The following CCSER1 variants were observed in gnomAD, a reference collection of about 807,000 sequenced individuals.
CCSER1 encodes the protein coiled-coil serine rich protein 1.
CCSER1 carries 41 observed loss-of-function variants against 82.0 expected under a neutral mutation model. The observed-to-expected ratio is 0.50, with a 90% CI of 0.39 to 0.65. The LOEUF (loss-of-function observed/expected upper bound fraction) is 0.65, where lower values mean the gene tolerates loss of function less well. Ranked by LOEUF, CCSER1 falls within the 30% of genes least tolerant of loss-of-function variation. The pLI is 0.00. For synonymous variants in CCSER1, 414 were observed against 383.9 expected (o/e 1.08, Z -0.92); for missense variants, 1,119 against 1,064.2 (o/e 1.05, Z -0.72).
intron 10 of CCSER1, among the ~76,000 whole-genome samples, chr4:91,201,391 T>A (rs1735893208): frequency 6.6e-6 from 1 of 152,024 alleles, no homozygotes; most frequent in Non-Finnish European, 1.5e-5. Context: ...AATAAATGAA[T>A]GAAAGATTCA....
intron 10 of CCSER1, among the ~76,000 whole-genome samples, chr4:91,216,448 T>C (rs1219679620): frequency 6.6e-6 from 1 of 152,088 alleles, no homozygotes; most frequent in Non-Finnish European, 1.5e-5. Context: ...GCCTCCCGAA[T>C]AGCTGGGACT....
chr4:90,880,159 T>A (rs1190094375), intron 8 of CCSER1, among the ~76,000 whole-genome samples: 1 of 152,166 alleles, frequency 6.6e-6, no homozygotes, highest in Non-Finnish European at 1.5e-5. Context: ...CCTCTCCCAT[T>A]GAGTGCTGGC....
At chr4:90,354,957 C>G (rs1332129914) in intron 3 of CCSER1, among the ~76,000 whole-genome samples, 1 of 151,992 alleles carries the variant, frequency 6.6e-6, no homozygotes, top group African/African-American at 2.4e-5. Context: ...TAATACAAAG[C>G]TTTCTTTAAT....
intron 10 of CCSER1, among the ~76,000 whole-genome samples, chr4:91,464,896 A>G (rs1485159351): frequency 6.6e-6 from 1 of 152,184 alleles, no homozygotes. Flanking sequence ...ACTCCCACAC[A>G]ACAGTAATGG....
At chr4:90,616,252 A>G (rs927664131) in intron 5 of CCSER1, among the ~76,000 whole-genome samples, 3 of 152,168 alleles carry the variant, frequency 2.0e-5, no homozygotes, top group Non-Finnish European at 2.9e-5. Context: ...CTAACCCATG[A>G]TATCTCTGAG....
chr4:90,410,654 C>T (rs1235267000), intron 4 of CCSER1, among the ~76,000 whole-genome samples: 1 of 152,006 alleles, frequency 6.6e-6, no homozygotes, highest in Non-Finnish European at 1.5e-5. Context: ...ATTTATAGCA[C>T]TAAATGCCCA....
intron 4 of CCSER1, among the ~76,000 whole-genome samples, chr4:90,441,642 C>A (rs1759894324): frequency 6.6e-6 from 1 of 152,162 alleles, no homozygotes; most frequent in African/African-American, 2.4e-5. Flanking sequence ...TAGCAATTAT[C>A]TGTGTTGCTA....
intron 7 of CCSER1, among the ~76,000 whole-genome samples, chr4:90,750,845 T>C (rs1252647267): frequency 6.6e-6 from 1 of 152,176 alleles, no homozygotes; most frequent in Non-Finnish European, 1.5e-5. Flanking sequence ...ATTTAACTTT[T>C]TAATTTTCTT....
At chr4:91,355,179 A>G (rs888594123) in intron 10 of CCSER1, among the ~76,000 whole-genome samples, 3 of 149,366 alleles carry the variant, frequency 2.0e-5, no homozygotes, top group African/African-American at 7.4e-5. Flanking sequence ...ATCTCACATA[A>G]ATATGATTTT....
intron 3 of CCSER1, among the ~76,000 whole-genome samples, chr4:90,324,855 T>C (rs963327602): frequency 6.6e-6 from 1 of 152,184 alleles, no homozygotes; most frequent in Admixed American, 6.5e-5. Context: ...GTATAAGGTG[T>C]AAGGAAGGGA....
At chr4:91,571,411 C>T in intron 10 of CCSER1, among the ~76,000 whole-genome samples, 1 of 152,166 alleles carries the variant, frequency 6.6e-6, no homozygotes. Flanking sequence ...CAAGAAATAT[C>T]TGAGACTGGG....
intron 10 of CCSER1, among the ~76,000 whole-genome samples, chr4:91,266,766 C>T (rs375717708): frequency 6.6e-6 from 1 of 152,230 alleles, no homozygotes; most frequent in East Asian, 1.9e-4. Context: ...TAGTAGCTGG[C>T]TGATCCTTAT....
At chr4:91,517,719 T>C (rs1760208490) in intron 10 of CCSER1, among the ~76,000 whole-genome samples, 1 of 151,566 alleles carries the variant, frequency 6.6e-6, no homozygotes, top group African/African-American at 2.4e-5. Flanking sequence ...ACCAGAGTTC[T>C]TACGCTGGTT....
At position 91,459,634 on chromosome 4, in the gene CCSER1, TC is replaced by T. The variant is rs1756389328; in HGVS notation, c.2218-138937del. On this transcript the variant is annotated intron_variant, in intron 10 of 10. Transcript: ENST00000509176. ...CCAGGCTCCAGGAATGATCAGAAGT[TC>T]TTGGGAAAAAAAATGGTGACTTACT... Among the ~76,000 whole-genome samples, 8 of 152,056 alleles carry T rather than the reference TC, an allele frequency of 5.3e-5. No individual in the cohort carries two copies. In the South Asian group the frequency reaches 1.7e-3, roughly 32 times the overall value.
At chr4:90,642,636 C>T (rs898030515) in intron 6 of CCSER1, among the ~76,000 whole-genome samples, 1 of 151,996 alleles carries the variant, frequency 6.6e-6, no homozygotes, top group Non-Finnish European at 1.5e-5. Context: ...CTCAGGAGTT[C>T]GAGACAAGCC....
Position 90,869,328 on chromosome 4 carries a change from T to C in CCSER1, c.2094+53483T>C, listed in dbSNP as rs72881352. On this transcript the variant is annotated intron_variant, in intron 8 of 10. Transcript: ENST00000509176. ...ATGCATTCTTTTAGCAGTTTCATAG[T>C]TTGAGGACTTAGATTTAAGTATTAT... is the stretch of plus-strand genomic sequence containing the variant. Among the ~76,000 whole-genome samples, 701 of 152,132 alleles carry C rather than the reference T, an allele frequency of 4.6e-3. 2 individuals are homozygous for C. The highest frequency in any genetic ancestry group is 0.016 in the African/African-American group (660 of 41,548).
chr4:90,518,556 T>C (rs954826531), intron 5 of CCSER1, among the ~76,000 whole-genome samples: 2 of 151,992 alleles, frequency 1.3e-5, no homozygotes, highest in African/African-American at 4.8e-5. Flanking sequence ...CACTTAAGTG[T>C]CCATATACTT....
At chr4:90,213,477 G>C (rs969442249) in intron 1 of CCSER1, among the ~76,000 whole-genome samples, 6 of 152,102 alleles carry the variant, frequency 3.9e-5, no homozygotes, top group Non-Finnish European at 7.4e-5. Flanking sequence ...TAGAGATTTG[G>C]AAGTCCACGG....
intron 5 of CCSER1, among the ~76,000 whole-genome samples, chr4:90,599,139 C>T (rs1783736075): frequency 6.6e-6 from 1 of 151,980 alleles, no homozygotes; most frequent in Non-Finnish European, 1.5e-5. Context: ...GCAGGATCCT[C>T]CAGTAGCAAA....
Sources: allele counts gnomAD v4.1 joint callset (sites outside exome capture counted in the v4.1 genomes callset), GRCh38; gene constraint gnomAD v4.1.1; transcripts MANE v1.5; gene names NCBI Gene and HGNC (gene_info 2026-07-23, HGNC 2026-07-21).